Variants in UROC1 observed in about 807,000 individuals in gnomAD.
UROC1 encodes urocanate hydratase 1, also known as urocanate hydratase.
Under a neutral mutation model 89.5 loss-of-function variants are expected in UROC1, and 79 were observed. The observed-to-expected ratio is 0.88, with a 90% CI of 0.74 to 1.06. The LOEUF (loss-of-function observed/expected upper bound fraction) is 1.06, where lower values mean the gene tolerates loss of function less well. Ranked by LOEUF, UROC1 falls within the 50% of genes least tolerant of loss-of-function variation. The probability of loss-of-function intolerance (pLI) is 0.00; values close to 1 mark genes in which losing one functional copy is unlikely to be tolerated. For missense variants in UROC1, 885 were observed against 907.8 expected (o/e 0.97, Z 0.32); for synonymous variants, 361 against 354.8 (o/e 1.02, Z -0.20).
chr3:126,493,574 C>T (rs1576715130), intron 15 of UROC1, among the ~76,000 whole-genome samples: 1 of 152,050 alleles, frequency 6.6e-6, no homozygotes, highest in South Asian at 2.1e-4. Flanking sequence ...TGCCAGGGGC[C>T]GTGGGAGTAG....
At chr3:126,503,114 C>T (rs1935976134) in intron 9 of UROC1, among the ~76,000 whole-genome samples, 1 of 152,150 alleles carries the variant, frequency 6.6e-6, no homozygotes, top group Non-Finnish European at 1.5e-5. Context: ...GGGGAAGCCC[C>T]TCACAGCACA....
At chr3:126,489,522 A>T in intron 16 of UROC1, 147 bp from the exon 17 acceptor site, 1 of 706,800 alleles carries the variant, frequency 1.4e-6, no homozygotes, top group South Asian at 1.5e-5. Context: ...TTCTGATGTC[A>T]TCTGTAGCCT....
intron 11 of UROC1, 104 bp downstream of exon 11, chr3:126,500,591 C>G: frequency 6.8e-7 from 1 of 1,470,938 alleles, no homozygotes; most frequent in Non-Finnish European, 9.5e-7. Flanking sequence ...AGGTCTTGCC[C>G]AAGGCCAAGC....
intron 19 of UROC1, 44 bp from the exon 20 acceptor site, chr3:126,482,529 G>T (rs557661117): frequency 1.2e-6 from 2 of 1,613,302 alleles, no homozygotes; most frequent in East Asian, 4.5e-5. Context: ...ACATAACCGG[G>T]CTCCCCACGT....
chr3:126,504,387 G>A (rs532993832), intron 8 of UROC1, among the ~76,000 whole-genome samples: 3 of 152,218 alleles, frequency 2.0e-5, no homozygotes, highest in Admixed American at 6.5e-5. Flanking sequence ...TAAGAACATC[G>A]ATTTCAACTA....
rs1935398336 is a variant in UROC1, at chr3:126,481,924, C to T, written c.*421G>A. ...CCTCCAGGCCAGCAGCCCAGGGTGC[C>T]AGGGTCCAGAAGTTGCTTGCACAGA... On this transcript the variant is annotated 3_prime_UTR_variant, in exon 20 of 20. Transcript: ENST00000290868. The T allele has an allele frequency of 8.6e-5, 22 of 256,258 alleles. No individual in the cohort carries two copies. In the South Asian group the frequency reaches 1.1e-3, roughly 12 times the overall value. 15.9% of individuals were successfully genotyped at this position (256,258 alleles called of 1,614,324 possible).
intron 13 of UROC1, 26 bp from the exon 14 acceptor site, chr3:126,498,198 C>T: frequency 3.7e-6 from 6 of 1,613,892 alleles, no homozygotes; most frequent in African/African-American, 2.7e-5. Context: ...CCTCCTCACC[C>T]TGGGCCCGCT....
chr3:126,500,905 C>CCA (rs759684558), intron 10 of UROC1, 31 bp from the exon 11 acceptor site: 2 of 1,593,960 alleles, frequency 1.3e-6, no homozygotes, highest in Non-Finnish European at 1.7e-6. Context: ...TCAGTGCAAG[C>CCA]CACACACAGC....
intron 11 of UROC1, 129 bp from the exon 12 acceptor site, chr3:126,500,283 C>G (rs149577952): frequency 1.1e-6 from 1 of 873,486 alleles, no homozygotes; most frequent in South Asian, 1.4e-5. Flanking sequence ...TCCTGCTCCT[C>G]GGGTCGGCAC....
At position 126,503,990 on chromosome 3, in the gene UROC1, T is replaced by A; in HGVS notation, c.902+5A>T. 1.2e-6 allele frequency: 2 copies of A among 1,614,110 alleles called. No homozygotes were observed. The highest frequency in any genetic ancestry group is 1.7e-6 in the Non-Finnish European group (2 of 1,180,026). On this transcript the variant is annotated splice_donor_5th_base_variant and intron_variant, in intron 9 of 19. Coordinates refer to ENST00000290868, the MANE Select transcript of UROC1 (RefSeq NM_144639.3). ...AGGTGTCCGGAGTTGAGCTTGGAGC[T>A]GTACCTGAGCCTCTGGATGCAGCGG...
chr3:126,487,925 G>A (rs1935552858), intron 18 of UROC1, among the ~76,000 whole-genome samples: 1 of 152,206 alleles, frequency 6.6e-6, no homozygotes, highest in Non-Finnish European at 1.5e-5. Flanking sequence ...ACATGAGGAA[G>A]GCGGCTGCCA....
chr3:126,504,598 C>T (rs1387783359), intron 8 of UROC1, among the ~76,000 whole-genome samples: 1 of 152,194 alleles, frequency 6.6e-6, no homozygotes, highest in Non-Finnish European at 1.5e-5. Flanking sequence ...CAAACCAATG[C>T]CAACACTGTT....
In UROC1 at chr3:126,497,447, G is replaced by A. The variant is rs77389956; in HGVS notation, c.1438+604C>T. ...AACCCTCTGGCAGAACCAACACTCA[G>A]CATCAGCAAAACCCAGGATGAACAT... On this transcript the variant is annotated intron_variant, in intron 14 of 19. Transcript: ENST00000290868. Among the ~76,000 whole-genome samples, 633 of 152,346 alleles carry A rather than the reference G, an allele frequency of 4.2e-3. 35 individuals carry two copies. In the East Asian group the frequency reaches 0.082, roughly 20 times the overall value.
intron 15 of UROC1, among the ~76,000 whole-genome samples, chr3:126,494,186 C>T (rs1390165928): frequency 2.0e-5 from 3 of 152,152 alleles, no homozygotes; most frequent in Non-Finnish European, 4.4e-5. Context: ...AAAAGGCAAC[C>T]TTCTGCAGTC....
chr3:126,507,474 T>A (rs1272495647), intron 6 of UROC1, among the ~76,000 whole-genome samples: 1 of 152,142 alleles, frequency 6.6e-6, no homozygotes, highest in Non-Finnish European at 1.5e-5. Context: ...TCACTGTAAA[T>A]TCGGTCAATT....
At chr3:126,507,874 T>A (rs1936105185) in intron 5 of UROC1, 71 bp from the exon 6 acceptor site, 1 of 1,612,976 alleles carries the variant, frequency 6.2e-7, no homozygotes, top group Admixed American at 1.7e-5. Context: ...CTGGGGATGA[T>A]GCACAGCGTT....
At chr3:126,508,338 G>T in intron 4 of UROC1, 78 bp downstream of exon 4, 1 of 1,492,652 alleles carries the variant, frequency 6.7e-7, no homozygotes, top group Non-Finnish European at 9.3e-7. Flanking sequence ...TGAGCTGTGG[G>T]TTTGTAAGCT....
intron 16 of UROC1, 108 bp downstream of exon 16, chr3:126,492,310 C>T: frequency 3.6e-6 from 4 of 1,111,926 alleles, no homozygotes; most frequent in Non-Finnish European, 5.3e-6. Flanking sequence ...TGTCTCCCCA[C>T]CCAGAAGGCT....
chr3:126,513,041 G>A (rs1157734513), intron 1 of UROC1, among the ~76,000 whole-genome samples: 3 of 152,196 alleles, frequency 2.0e-5, no homozygotes, highest in East Asian at 3.9e-4. Flanking sequence ...CGGGCATCAG[G>A]GCACCTGTGC....
Sources: gnomAD v4.1 joint callset for allele counts (sites outside exome capture counted in the v4.1 genomes callset) on GRCh38, gnomAD v4.1.1 for gene constraint, MANE v1.5 for transcripts, NCBI Gene and HGNC (gene_info 2026-07-23, HGNC 2026-07-21) for gene names.